The following GPC6 variants were observed in gnomAD, a reference collection of about 807,000 sequenced individuals.
GPC6 encodes the protein glypican-6.
Under a neutral mutation model 55.2 loss-of-function variants are expected in GPC6, and 14 were observed. That is an observed-to-expected ratio of 0.25 (90% CI 0.17 to 0.40). The LOEUF (loss-of-function observed/expected upper bound fraction) is 0.40. Ranked by LOEUF, GPC6 falls within the 10% of genes least tolerant of loss-of-function variation. The probability of loss-of-function intolerance (pLI) is 1.00; values close to 1 mark genes in which losing one functional copy is unlikely to be tolerated. For missense variants in GPC6, 641 were observed against 708.5 expected (o/e 0.90, Z 1.08); for synonymous variants, 278 against 259.6 (o/e 1.07, Z -0.68).
intron 7 of GPC6, among the ~76,000 whole-genome samples, chr13:94,395,404 T>A (rs780112241): frequency 3.3e-5 from 5 of 152,216 alleles, no homozygotes; most frequent in Admixed American, 6.5e-5. Flanking sequence ...GAATTTACAA[T>A]GCACTCTGTG....
At chr13:94,124,987 G>A (rs895821334) in intron 4 of GPC6, among the ~76,000 whole-genome samples, 7 of 151,910 alleles carry the variant, frequency 4.6e-5, no homozygotes, top group Non-Finnish European at 7.4e-5. Flanking sequence ...AACAGAAAAG[G>A]TAAAAAATAA....
chr13:93,757,251 A>G, intron 2 of GPC6, among the ~76,000 whole-genome samples: 1 of 152,148 alleles, frequency 6.6e-6, no homozygotes, highest in African/African-American at 2.4e-5. Context: ...TGGAGACGTC[A>G]GAGTTCCAGA....
At chr13:93,773,413 T>A (rs1388015718) in intron 2 of GPC6, among the ~76,000 whole-genome samples, 1 of 152,128 alleles carries the variant, frequency 6.6e-6, no homozygotes, top group Non-Finnish European at 1.5e-5. Context: ...AAATTGATGA[T>A]GAAAAAGACA....
chr13:93,934,167 G>A (rs1435330123), intron 3 of GPC6, among the ~76,000 whole-genome samples: 1 of 152,122 alleles, frequency 6.6e-6, no homozygotes, highest in Non-Finnish European at 1.5e-5. Context: ...ATACATACAA[G>A]GTTATCCCAT....
intron 4 of GPC6, among the ~76,000 whole-genome samples, chr13:94,278,287 G>T (rs764192148): frequency 2.0e-5 from 3 of 152,174 alleles, no homozygotes; most frequent in Non-Finnish European, 4.4e-5. Flanking sequence ...CATTGATTTT[G>T]TGTCCTGAGA....
chr13:93,416,862 T>C (rs1156880052), intron 1 of GPC6, among the ~76,000 whole-genome samples: 1 of 152,122 alleles, frequency 6.6e-6, no homozygotes, highest in Non-Finnish European at 1.5e-5. Flanking sequence ...TCCAGAGGCT[T>C]GACAGCTAAT....
chr13:94,313,095 T>C (rs1876342529), intron 6 of GPC6, among the ~76,000 whole-genome samples: 1 of 152,126 alleles, frequency 6.6e-6, no homozygotes, highest in Admixed American at 6.5e-5. Flanking sequence ...AAAAAAACGT[T>C]AAAACCAAAC....
intron 3 of GPC6, among the ~76,000 whole-genome samples, chr13:93,957,106 T>C (rs1879541328): frequency 6.6e-6 from 1 of 152,198 alleles, no homozygotes; most frequent in Non-Finnish European, 1.5e-5. Context: ...GAGAACAGTG[T>C]GTCCTCAGTG....
chr13:94,267,458 G>A (rs1891854092), intron 4 of GPC6, among the ~76,000 whole-genome samples: 1 of 152,102 alleles, frequency 6.6e-6, no homozygotes, highest in Admixed American at 6.6e-5. Context: ...TGTATAATAT[G>A]CAAGCAGTAG....
At chr13:93,742,870 G>A (rs1029547933) in intron 2 of GPC6, among the ~76,000 whole-genome samples, 16 of 152,032 alleles carry the variant, frequency 1.1e-4, no homozygotes, top group Non-Finnish European at 2.1e-4. Flanking sequence ...CAACATTCCC[G>A]TCTGCAGTAC....
intron 4 of GPC6, among the ~76,000 whole-genome samples, chr13:94,033,812 G>C (rs1310690777): frequency 6.6e-6 from 1 of 151,868 alleles, no homozygotes; most frequent in Non-Finnish European, 1.5e-5. Context: ...AAAAACCCAA[G>C]AGCTGTATAT....
chr13:93,477,634 G>A (rs1268826331), intron 1 of GPC6, among the ~76,000 whole-genome samples: 1 of 152,126 alleles, frequency 6.6e-6, no homozygotes, highest in Non-Finnish European at 1.5e-5. Flanking sequence ...AAAGGAGGAT[G>A]TAATCAGAGC....
At chr13:93,393,849 T>C (rs1875744973) in intron 1 of GPC6, among the ~76,000 whole-genome samples, 1 of 146,302 alleles carries the variant, frequency 6.8e-6, no homozygotes, top group African/African-American at 2.5e-5. Flanking sequence ...GAGTTGTGGT[T>C]CATAGAAAGT....
chr13:93,238,967 T>G (rs1312643812), intron 1 of GPC6, among the ~76,000 whole-genome samples: 1 of 152,134 alleles, frequency 6.6e-6, no homozygotes, highest in East Asian at 1.9e-4. Context: ...ATTATCCTTT[T>G]GTTGTGCTAT....
chr13:94,368,141 C>G (rs112774592), intron 6 of GPC6, among the ~76,000 whole-genome samples: 9,009 of 125,672 alleles, frequency 0.072, 479 homozygotes, highest in East Asian at 0.28. Flanking sequence ...GAGCAAGACT[C>G]TGTCTCAAAA....
chr13:94,264,588 C>T (rs1891740719), intron 4 of GPC6, among the ~76,000 whole-genome samples: 1 of 152,196 alleles, frequency 6.6e-6, no homozygotes, highest in Non-Finnish European at 1.5e-5. Flanking sequence ...TCAAAGAGCT[C>T]AATGCCACCA....
At chr13:93,269,849 G>A (rs972464074) in intron 1 of GPC6, among the ~76,000 whole-genome samples, 2 of 136,356 alleles carry the variant, frequency 1.5e-5, no homozygotes, top group African/African-American at 2.8e-5. Flanking sequence ...CCTAGATTGC[G>A]TCACTGCACT....
chr13:93,779,173 C>T (rs923913602), intron 2 of GPC6, among the ~76,000 whole-genome samples: 5 of 152,026 alleles, frequency 3.3e-5, no homozygotes, highest in African/African-American at 4.8e-5. Flanking sequence ...GTGTGTTTCT[C>T]GAGAGAAAGG....
chr13:93,948,403 A>G (rs1006306454), intron 3 of GPC6, among the ~76,000 whole-genome samples: 19 of 152,152 alleles, frequency 1.2e-4, no homozygotes, highest in African/African-American at 4.3e-4. Flanking sequence ...CATCTTGGGG[A>G]ATGCACACTT....
Sources: gnomAD v4.1 joint callset for allele counts (sites outside exome capture counted in the v4.1 genomes callset) on GRCh38, gnomAD v4.1.1 for gene constraint, MANE v1.5 for transcripts, NCBI Gene and HGNC (gene_info 2026-07-23, HGNC 2026-07-21) for gene names.